The following SLC30A8 variants were observed in gnomAD, a reference collection of about 807,000 sequenced individuals.
SLC30A8 encodes solute carrier family 30 member 8.
In SLC30A8, 27 loss-of-function variants were observed where a neutral mutation model predicts 36.9. That is an observed-to-expected ratio of 0.73 (90% confidence interval 0.54 to 1.01). The LOEUF (loss-of-function observed/expected upper bound fraction) is 1.01, where lower values mean the gene tolerates loss of function less well. Ranked by LOEUF, SLC30A8 falls within the 50% of genes least tolerant of loss-of-function variation. The pLI is 0.00. For synonymous variants in SLC30A8, 164 were observed against 172.4 expected, an observed-to-expected ratio of 0.95 and a Z score of 0.38; for missense variants, 439 against 452.0, an observed-to-expected ratio of 0.97 and a Z score of 0.26.
chr8:117,007,721 T>C (rs1816228072), intron 1 of SLC30A8, among the ~76,000 whole-genome samples: 1 of 152,182 alleles, frequency 6.6e-6, no homozygotes, highest in African/African-American at 2.4e-5. Flanking sequence ...ATTTTATCCC[T>C]GTGGAAACTA....
chr8:117,061,658 T>A (rs1818027014), intron 2 of SLC30A8, among the ~76,000 whole-genome samples: 1 of 152,208 alleles, frequency 6.6e-6, no homozygotes, highest in African/African-American at 2.4e-5. Flanking sequence ...CTTTATTACT[T>A]ATAAGCCAAA....
intron 1 of SLC30A8, among the ~76,000 whole-genome samples, chr8:116,996,649 T>TA (rs1453633134): frequency 1.3e-5 from 2 of 152,180 alleles, no homozygotes; most frequent in Non-Finnish European, 1.5e-5. Flanking sequence ...TTATCCCGTG[T>TA]AGGGCTTATA....
chr8:117,154,576 G>A (rs1174609919), intron 3 of SLC30A8, among the ~76,000 whole-genome samples: 2 of 152,146 alleles, frequency 1.3e-5, no homozygotes, highest in Admixed American at 1.3e-4. Flanking sequence ...GTTTTGACTT[G>A]CTTCCCTTTA....
intron 1 of SLC30A8, among the ~76,000 whole-genome samples, chr8:116,952,983 G>A (rs1814048008): frequency 6.6e-6 from 1 of 151,802 alleles, no homozygotes; most frequent in Non-Finnish European, 1.5e-5. Flanking sequence ...CCGAGATACT[G>A]AGCATAGTGC....
chr8:117,052,920 T>G (rs897240569), intron 2 of SLC30A8, among the ~76,000 whole-genome samples: 8 of 151,832 alleles, frequency 5.3e-5, no homozygotes, highest in Non-Finnish European at 1.0e-4. Flanking sequence ...TTTTTTTTTT[T>G]TATTGAGACG....
At chr8:117,028,550 G>GT (rs57593485) in intron 1 of SLC30A8, among the ~76,000 whole-genome samples, 64,361 of 144,104 alleles carry the variant, frequency 0.45, 14,268 homozygotes, top group East Asian at 0.55. Context: ...TCTCACCACA[G>GT]TTTTTTTTTT....
intron 1 of SLC30A8, among the ~76,000 whole-genome samples, chr8:116,956,134 C>T (rs1223081131): frequency 6.6e-6 from 1 of 152,188 alleles, no homozygotes; most frequent in African/African-American, 2.4e-5. Flanking sequence ...GATTCATATT[C>T]TGTCATGCAT....
intron 1 of SLC30A8, among the ~76,000 whole-genome samples, chr8:116,982,050 C>T (rs934582896): frequency 1.7e-4 from 26 of 152,132 alleles, no homozygotes; most frequent in African/African-American, 6.3e-4. Flanking sequence ...TATAAACATT[C>T]CCTTTTCTCT....
chr8:116,982,402 A>G (rs538120521), intron 1 of SLC30A8, among the ~76,000 whole-genome samples: 52 of 152,268 alleles, frequency 3.4e-4, no homozygotes, highest in Middle Eastern at 3.4e-3. Context: ...GTTTTACCAT[A>G]GGCTGATTGA....
At chr8:117,127,312 T>C (rs537971817) in intron 2 of SLC30A8, among the ~76,000 whole-genome samples, 6 of 152,208 alleles carry the variant, frequency 3.9e-5, no homozygotes, top group African/African-American at 1.4e-4. Context: ...ACTTTTTCTT[T>C]GGTAATCTTC....
intron 1 of SLC30A8, among the ~76,000 whole-genome samples, chr8:116,955,637 C>T (rs770885028): frequency 1.1e-4 from 17 of 150,864 alleles, no homozygotes; most frequent in Non-Finnish European, 2.4e-4. Flanking sequence ...GGCTGAAGCA[C>T]GAGAATCGCT....
chr8:116,970,795 A>G (rs2130615970), intron 1 of SLC30A8, among the ~76,000 whole-genome samples: 1 of 152,208 alleles, frequency 6.6e-6, no homozygotes, highest in Non-Finnish European at 1.5e-5. Flanking sequence ...TTTATTACTG[A>G]TTATATTATG....
intron 2 of SLC30A8, among the ~76,000 whole-genome samples, chr8:117,122,765 ATC>A (rs1307454871): frequency 1.3e-5 from 2 of 151,974 alleles, no homozygotes; most frequent in Non-Finnish European, 2.9e-5. Context: ...TCTGGCAAGG[ATC>A]ACAGAGCTTT....
At chr8:117,020,327 A>G (rs1041832581) in intron 1 of SLC30A8, among the ~76,000 whole-genome samples, 1 of 152,240 alleles carries the variant, frequency 6.6e-6, no homozygotes, top group Non-Finnish European at 1.5e-5. Flanking sequence ...AACTAAATTA[A>G]CTATCGTTTT....
intron 2 of SLC30A8, among the ~76,000 whole-genome samples, chr8:117,115,821 G>C (rs1820419899): frequency 6.6e-6 from 1 of 152,038 alleles, no homozygotes; most frequent in South Asian, 2.1e-4. Flanking sequence ...GCTGTTCTGA[G>C]ATCTGGGGAG....
At chr8:117,075,610 C>T (rs552113831) in intron 2 of SLC30A8, among the ~76,000 whole-genome samples, 1 of 152,174 alleles carries the variant, frequency 6.6e-6, no homozygotes, top group African/African-American at 2.4e-5. Flanking sequence ...GGTGAGTTTA[C>T]AATTTTTTCT....
intron 3 of SLC30A8, among the ~76,000 whole-genome samples, chr8:117,154,944 G>A (rs1167138635): frequency 6.6e-6 from 1 of 152,112 alleles, no homozygotes; most frequent in Admixed American, 6.5e-5. Context: ...CACTTTAAAT[G>A]CAGCTAGTGC....
chr8:117,086,466 T>C (rs1818881924), intron 2 of SLC30A8, among the ~76,000 whole-genome samples: 1 of 152,174 alleles, frequency 6.6e-6, no homozygotes, highest in African/African-American at 2.4e-5. Flanking sequence ...GACAATATAT[T>C]TTTCAAAAAG....
chr8:117,024,882 G>A (rs1221611509), intron 1 of SLC30A8, among the ~76,000 whole-genome samples: 1 of 151,974 alleles, frequency 6.6e-6, no homozygotes, highest in African/African-American at 2.4e-5. Flanking sequence ...ATGTGTCATG[G>A]TGGTTTGCTG....
Sources: allele counts gnomAD v4.1 joint callset (sites outside exome capture counted in the v4.1 genomes callset), GRCh38; gene constraint gnomAD v4.1.1; transcripts MANE v1.5; gene names NCBI Gene and HGNC (gene_info 2026-07-23, HGNC 2026-07-21).